Variants in SUPT3H observed in about 807,000 individuals in gnomAD.
The protein encoded by SUPT3H is SPT3 homolog, SAGA and STAGA complex component.
In SUPT3H, 44 loss-of-function variants were observed where a neutral mutation model predicts 44.3. That is an observed-to-expected ratio of 0.99 (90% CI 0.78 to 1.28). SUPT3H has a LOEUF of 1.28. Among genes scored for constraint, SUPT3H ranks in the 50% most tolerant of loss-of-function variants. The pLI is 0.00. For synonymous variants in SUPT3H, 124 were observed against 125.6 expected, an observed-to-expected ratio of 0.99 and a Z score of 0.09; for missense variants, 380 against 387.1, an observed-to-expected ratio of 0.98 and a Z score of 0.15.
At chr6:45,328,899 C>CAACAAGATAGCATAA in intron 2 of SUPT3H, 1 of 1,091,834 alleles carries the variant, frequency 9.2e-7, no homozygotes, top group Non-Finnish European at 1.4e-6. Flanking sequence ...CCTAATTATG[C>CAACAAGATAGCATAA]TATCTTGTTG....
chr6:44,812,246 G>A (rs568513338), intron 11 of SUPT3H, among the ~76,000 whole-genome samples: 2 of 152,180 alleles, frequency 1.3e-5, no homozygotes, highest in South Asian at 4.1e-4. Context: ...CTATAGGGAA[G>A]AATCTGTTTC....
intron 2 of SUPT3H, among the ~76,000 whole-genome samples, chr6:45,172,117 G>A (rs1192743301): frequency 6.7e-6 from 1 of 150,004 alleles, no homozygotes; most frequent in African/African-American, 2.5e-5. Context: ...TCTGTCGCCA[G>A]GCTGGAGTGC....
intron 9 of SUPT3H, among the ~76,000 whole-genome samples, chr6:44,947,343 A>G (rs1279007259): frequency 6.6e-6 from 1 of 152,204 alleles, no homozygotes; most frequent in African/African-American, 2.4e-5. Flanking sequence ...TTATGTAAAC[A>G]GCAATCACAT....
At chr6:45,288,908 T>A (rs1474177581) in intron 2 of SUPT3H, among the ~76,000 whole-genome samples, 1 of 152,016 alleles carries the variant, frequency 6.6e-6, no homozygotes. Context: ...GACTCAGTTT[T>A]AAAGAATTAC....
At chr6:45,051,169 G>T (rs374623985) in intron 3 of SUPT3H, among the ~76,000 whole-genome samples, 1 of 152,128 alleles carries the variant, frequency 6.6e-6, no homozygotes, top group South Asian at 2.1e-4. Context: ...GATTACAGGC[G>T]TGAGCCACTG....
intron 2 of SUPT3H, among the ~76,000 whole-genome samples, chr6:45,139,348 T>A (rs1010110108): frequency 6.6e-6 from 1 of 152,174 alleles, no homozygotes; most frequent in Non-Finnish European, 1.5e-5. Flanking sequence ...TTAAAAAATA[T>A]ATTTTCTTGA....
intron 6 of SUPT3H, among the ~76,000 whole-genome samples, chr6:44,979,751 T>C (rs1009831695): frequency 2.0e-5 from 3 of 152,186 alleles, no homozygotes; most frequent in African/African-American, 4.8e-5. Flanking sequence ...TACGAGTTCA[T>C]TTCATTGGCA....
At chr6:44,920,024 G>A (rs1220126262) in intron 10 of SUPT3H, among the ~76,000 whole-genome samples, 2 of 151,806 alleles carry the variant, frequency 1.3e-5, no homozygotes, top group Non-Finnish European at 1.5e-5. Context: ...GATTACAGGC[G>A]CATGCCACCA....
At chr6:45,076,922 G>A (rs1181516725) in intron 3 of SUPT3H, among the ~76,000 whole-genome samples, 1 of 152,064 alleles carries the variant, frequency 6.6e-6, no homozygotes, top group Non-Finnish European at 1.5e-5. Flanking sequence ...ACTTTAAATG[G>A]CTCTAAATTT....
intron 9 of SUPT3H, among the ~76,000 whole-genome samples, chr6:44,932,968 C>A (rs1770832651): frequency 6.6e-6 from 1 of 152,114 alleles, no homozygotes; most frequent in East Asian, 1.9e-4. Flanking sequence ...GCAGACCTAC[C>A]AAACGCAATT....
At chr6:44,931,762 TTAAC>T (rs888659891) in intron 10 of SUPT3H, among the ~76,000 whole-genome samples, 33 of 152,122 alleles carry the variant, frequency 2.2e-4, no homozygotes, top group African/African-American at 7.5e-4. Flanking sequence ...AGCATTCTAT[TTAAC>T]TAAACATAAG....
intron 3 of SUPT3H, among the ~76,000 whole-genome samples, chr6:45,096,739 G>A (rs969460772): frequency 6.6e-6 from 1 of 151,884 alleles, no homozygotes; most frequent in African/African-American, 2.4e-5. Context: ...CATCATCCTT[G>A]GTAGTTGATA....
At chr6:45,134,363 C>CT (rs1241093048) in intron 2 of SUPT3H, among the ~76,000 whole-genome samples, 2 of 152,230 alleles carry the variant, frequency 1.3e-5, no homozygotes, top group African/African-American at 2.4e-5. Context: ...AAAGAAGTCT[C>CT]TAACACATGA....
chr6:44,901,633 G>C (rs1293601), intron 10 of SUPT3H, among the ~76,000 whole-genome samples: 1 of 145,402 alleles, frequency 6.9e-6, no homozygotes, highest in Non-Finnish European at 1.5e-5. Context: ...CCCCAATCTA[G>C]CAAGGCAGGC....
chr6:45,022,840 A>G (rs1387658946), intron 3 of SUPT3H, among the ~76,000 whole-genome samples: 4 of 152,168 alleles, frequency 2.6e-5, no homozygotes, highest in South Asian at 2.1e-4. Flanking sequence ...ACTTAGCCCT[A>G]TGGAACCTGT....
intron 2 of SUPT3H, among the ~76,000 whole-genome samples, chr6:45,227,123 A>T (rs1294142873): frequency 6.6e-6 from 1 of 151,520 alleles, no homozygotes; most frequent in Non-Finnish European, 1.5e-5. Flanking sequence ...GGATTACAGG[A>T]TGAGCCACAA....
At chr6:44,888,699 C>A (rs567143469) in intron 10 of SUPT3H, among the ~76,000 whole-genome samples, 2,405 of 151,938 alleles carry the variant, frequency 0.016, 60 homozygotes, top group African/African-American at 0.054. Context: ...CCTTTGAAAA[C>A]TGGCACAAGA....
rs139501001 is a variant in SUPT3H at position 45,272,875 on chromosome 6, G to A, written c.101+92326C>T. On this transcript the variant is annotated intron_variant, in intron 2 of 10. Transcript: ENST00000371459. The stretch of plus-strand genomic sequence containing the variant: ...GCATCCCCAAAAAAACTGTTGCCAT[G>A]ACTTCTGCTCTTGACCAGTCTGCTT... Among the ~76,000 whole-genome samples, 253 of 152,312 alleles carry A rather than the reference G, an allele frequency of 1.7e-3. 3 individuals are homozygous for A. The highest frequency in any genetic ancestry group is 5.9e-3 in the African/African-American group (247 of 41,560).
At chr6:45,306,791 G>A (rs1297426546) in intron 2 of SUPT3H, among the ~76,000 whole-genome samples, 1 of 110,464 alleles carries the variant, frequency 9.1e-6, no homozygotes, top group Non-Finnish European at 2.0e-5. Flanking sequence ...AGTGGGTGCA[G>A]GACAGTGGGT....
Sources: allele counts gnomAD v4.1 joint callset (sites outside exome capture counted in the v4.1 genomes callset), GRCh38; gene constraint gnomAD v4.1.1; transcripts MANE v1.5; gene names NCBI Gene and HGNC (gene_info 2026-07-23, HGNC 2026-07-21).